The following UBTF variants were observed in gnomAD, a reference collection of about 807,000 sequenced individuals.
The protein encoded by UBTF is nucleolar transcription factor 1.
In UBTF, 8 loss-of-function variants were observed where a neutral mutation model predicts 112.3. The ratio of observed to expected loss-of-function variants is 0.07; its 90% CI spans 0.04 to 0.13. The LOEUF (loss-of-function observed/expected upper bound fraction) is 0.13, where lower values mean the gene tolerates loss of function less well. Ranked by LOEUF, UBTF falls within the 10% of genes least tolerant of loss-of-function variation. The pLI is 1.00. For missense variants in UBTF, 457 were observed against 982.1 expected (o/e 0.47, Z 7.15); for synonymous variants, 417 against 373.1 (o/e 1.12, Z -1.36).
In UBTF at chr17:44,211,197, A is replaced by G. The variant is rs761946857; in HGVS notation, c.1090-45T>C. The G allele has an allele frequency of 6.2e-7, 1 of 1,612,514 alleles. No homozygotes were observed. The highest frequency in any genetic ancestry group is 1.7e-5 in the Admixed American group (1 of 60,022). On this transcript the variant is annotated intron_variant, in intron 11 of 20. Coordinates refer to ENST00000436088, the MANE Select transcript of UBTF (RefSeq NM_014233.4). This position sits in a 1 kb window ranked among gnomAD's most constrained non-coding sequence, Gnocchi z 4.9. Reference sequence around the variant, plus strand: ...ACGGGGCTGCATGCCTGGCACCCAGACTGCATGGTGCCCTATCTCCAGGGG... The same window carrying G: ...ACGGGGCTGCATGCCTGGCACCCAGGCTGCATGGTGCCCTATCTCCAGGGG...
In UBTF at chr17:44,207,181, T is replaced by C; in HGVS notation, c.*61A>G. The C allele has an allele frequency of 1.9e-6, 3 of 1,582,222 alleles. No individual in the cohort carries two copies. The highest frequency in any genetic ancestry group is 2.6e-6 in the Non-Finnish European group (3 of 1,160,278). On this transcript the variant is annotated 3_prime_UTR_variant, in exon 21 of 21. Transcript: ENST00000436088. ...ACAGAACATGGGGGAGAAACAAAGG[T>C]GGTCAGTTGGGGAGGGGAGCTCCTG...
upstream of UBTF, chr17:44,220,658 G>C (rs905761022): frequency 6.6e-6 from 1 of 152,226 alleles, no homozygotes; most frequent in South Asian, 2.1e-4. Flanking sequence ...CTCCAGGCCT[G>C]CCCGGGCGCA....
At chr17:44,216,319 A>T (rs927448821) in intron 3 of UBTF, 1 of 640,186 alleles carries the variant, frequency 1.6e-6, no homozygotes, top group African/African-American at 1.8e-5. Context: ...TGTTTGGCTC[A>T]AGACCACTCA....
At chr17:44,214,082 A>G (rs2046721775) in intron 5 of UBTF, among the ~76,000 whole-genome samples, 1 of 151,480 alleles carries the variant, frequency 6.6e-6, no homozygotes, top group Non-Finnish European at 1.5e-5. Flanking sequence ...TCTCTTCCTC[A>G]TCGACCTTCT....
At chr17:44,218,600 A>AAAAAAAAAAAAAAAAAAAG (rs1194736637) in intron 1 of UBTF, 1 of 208,274 alleles carries the variant, frequency 4.8e-6, no homozygotes, top group African/African-American at 2.5e-5. Flanking sequence ...CAGCCAAAAA[A>AAAAAAAAAAAAAAAAAAAG]AAAAAAAAAG....
intron 2 of UBTF, 142 bp downstream of exon 2, chr17:44,218,030 C>A (rs2046933831): frequency 2.3e-6 from 2 of 887,548 alleles, no homozygotes; most frequent in African/African-American, 3.4e-5. Flanking sequence ...GTGGGAGATG[C>A]TTGATTCATA....
At position 44,211,008 on chromosome 17, in the gene UBTF, C is replaced by A. The variant is rs765628144; in HGVS notation, c.1203+31G>T. 9.4e-6 allele frequency: 15 copies of A among 1,603,036 alleles called. No individual in the cohort carries two copies. In the South Asian group the frequency reaches 1.3e-4, roughly 14 times the overall value. On this transcript the variant is annotated intron_variant, in intron 12 of 20. Coordinates refer to ENST00000436088, the MANE Select transcript of UBTF (RefSeq NM_014233.4). The surrounding 1 kb of genome is among the most constrained non-coding windows in gnomAD (Gnocchi z 4.9). ...TGCCAGGGAGCCCAGTCTTGCCCAC[C>A]CCCGCCTGCGCGGCCGCACCCTCTG...
Position 44,211,962 on chromosome 17 carries a change from G to C in UBTF, c.816C>G (p.Ile272Met), listed in dbSNP as rs567808617. 1 of 1,613,894 alleles carries C rather than the reference G, an allele frequency of 6.2e-7. No individual in the cohort carries two copies. The highest frequency in any genetic ancestry group is 8.5e-7 in the Non-Finnish European group (1 of 1,179,980). Residue 272 changes from isoleucine (I) to methionine (M), a missense_variant, in exon 9 of 21, where the codon ATC (isoleucine) becomes ATG (methionine). Around this residue, in one of 7 missense-constraint regions of UBTF, gnomAD observed 87 missense variants for 286.6 expected, o/e 0.30. Transcript: ENST00000436088. This position sits in a 1 kb window ranked among gnomAD's most constrained non-coding sequence, Gnocchi z 4.9. ...DYIQKHPELNISEEGITKSTL... is the reference protein window; with the variant it reads ...DYIQKHPELNMSEEGITKSTL... Reference sequence around the variant, plus strand: ...TGGACTTGGTGATACCCTCCTCACTGATGTTCAGCTCTGGGTGCTTCTGGA... The same window carrying C: ...TGGACTTGGTGATACCCTCCTCACTCATGTTCAGCTCTGGGTGCTTCTGGA...
Position 44,208,092 on chromosome 17 carries a change from A to ATT in UBTF, c.1906-183_1906-182dup, listed in dbSNP as rs57107684. Among the ~76,000 whole-genome samples, 100 of 118,000 alleles carry ATT rather than the reference A, an allele frequency of 8.5e-4. 2 individuals are homozygous for ATT. Among genetic ancestry groups the ATT allele is most frequent in the African/African-American group, 1.0e-3 (32 of 30,508 alleles). The allele number at this position is 118,000 out of a possible 152,430, so 77.4% of individuals were successfully genotyped here. A position where few individuals can be genotyped will look rare whatever the true frequency, so the allele number is the denominator to read the frequency against. ...CCTGGGATCTGAGAACACAGCTCTA[A>ATT]TTTTTTTTTTTTTTTTTTTTTTTTT... is the stretch of plus-strand genomic sequence containing the variant. On this transcript the variant is annotated intron_variant, in intron 17 of 20. Transcript: ENST00000436088.
At chr17:44,214,225 G>C (rs931127344) in intron 5 of UBTF, among the ~76,000 whole-genome samples, 3 of 152,218 alleles carry the variant, frequency 2.0e-5, no homozygotes, top group African/African-American at 7.2e-5. Flanking sequence ...GGCATAGAAA[G>C]GCAGTGCTCC....
intron 6 of UBTF, 71 bp downstream of exon 6, chr17:44,213,147 C>A: frequency 1.3e-6 from 2 of 1,572,938 alleles, no homozygotes; most frequent in African/African-American, 2.7e-5. Context: ...AAACTCAAGG[C>A]TCTGGCCAGG....
chr17:44,210,440 C>A lies in UBTF; in HGVS notation c.1393G>T (p.Ala465Ser). ...KYKAREAALK[A>S]QSERKPGGER... is the part of the protein sequence containing the mutation. ...CCGCCGGGCTTCCTCTCCGACTGAG[C>A]CTTGAGCGCCGCCTCTCGGGCCTTG... The change falls in exon 14 of 21, where the codon GCT becomes TCT. Residue 465 changes from alanine (A) to serine (S), a missense_variant. Ala to Ser is a moderately conservative substitution (Grantham distance 99). This residue lies in a region of UBTF where 108 missense variants were observed against 137.4 expected (regional missense o/e 0.79). Transcript: ENST00000436088. 6.2e-7 allele frequency: 1 copy of A among 1,613,228 alleles called. No individual in the cohort carries two copies. The highest frequency in any genetic ancestry group is 2.2e-5 in the East Asian group (1 of 44,884).
intron 3 of UBTF, chr17:44,216,210 C>T (rs1433212378): frequency 3.3e-6 from 2 of 606,080 alleles, no homozygotes; most frequent in Admixed American, 3.0e-5. Context: ...CAAAGGCCAG[C>T]AACAAGGGGA....
chr17:44,211,085 T>C lies in UBTF; in HGVS notation c.1157A>G (p.Gln386Arg), dbSNP rs750276844. 7 of 1,612,950 alleles carry C rather than the reference T, an allele frequency of 4.3e-6. No homozygotes were observed. The Admixed American group carries it at 1.2e-4, about 27-fold the overall frequency. The change falls in exon 12 of 21, where the codon CAG becomes CGG. Residue 386 changes from glutamine (Q) to arginine (R), a missense_variant. Transcript: ENST00000436088. This position sits in a 1 kb window ranked among gnomAD's most constrained non-coding sequence, Gnocchi z 4.9. ...CTTCTTGGAGGCGGGGCTGGTGGCC[T>C]GCTTCTTGTTGATGTTCAGCATCTT... ...EEKMLNINKK[Q>R]ATSPASKKPA...
chr17:44,207,692 T>C lies in UBTF; in HGVS notation c.2025+7A>G. 1 of 1,614,132 alleles carries C rather than the reference T, an allele frequency of 6.2e-7. No individual in the cohort carries two copies. The highest frequency in any genetic ancestry group is 8.5e-7 in the Non-Finnish European group (1 of 1,180,016). On this transcript the variant is annotated splice_region_variant and intron_variant, in intron 19 of 20. Transcript: ENST00000436088. ...CCACGCCCCTGCATCTGGGAGGGGC[T>C]CCTTACCGACTTGGACTGCAGAGTA...
Position 44,218,215 on chromosome 17 carries a change from G to C in UBTF, c.15C>G (p.Ala5=), listed in dbSNP as rs373082224. ...CCATTTCCAGGTCTGTGGGGCAGTCGGCTTCTCCGTTCATCCTCCAGCTGT... is the reference window on the plus strand; with the variant it reads ...CCATTTCCAGGTCTGTGGGGCAGTCCGCTTCTCCGTTCATCCTCCAGCTGT... MNGE[A]DCPTDLEMAA... The change falls in exon 2 of 21, where the codon GCC becomes GCG. Residue 5 remains alanine, a synonymous_variant. Transcript: ENST00000436088. The C allele has an allele frequency of 1.6e-5, 26 of 1,611,992 alleles. No homozygotes were observed. Among genetic ancestry groups the C allele is most frequent in the Non-Finnish European group, 2.0e-5 (24 of 1,179,592 alleles).
At chr17:44,220,157 G>T (rs1364072538), upstream of UBTF, among the ~76,000 whole-genome samples, 2 of 151,648 alleles carry the variant, frequency 1.3e-5, no homozygotes, top group Non-Finnish European at 3.0e-5. Context: ...TAGGCGGGCG[G>T]GCGGGCGCCG....
At chr17:44,213,538 G>A (rs2046685989) in intron 5 of UBTF, among the ~76,000 whole-genome samples, 1 of 152,212 alleles carries the variant, frequency 6.6e-6, no homozygotes, top group Admixed American at 6.5e-5. Context: ...CTGAGCAAGA[G>A]TCCCAGAAGG....
In UBTF at chr17:44,206,999, A is replaced by G. The variant is rs1030164735; in HGVS notation, c.*243T>C. 9.9e-5 allele frequency: 57 copies of G among 573,662 alleles called. No individual in the cohort carries two copies. Among genetic ancestry groups the G allele is most frequent in the Non-Finnish European group, 1.7e-4 (55 of 326,918 alleles). The allele number at this position is 573,662 out of a possible 1,614,324, so 35.5% of individuals were successfully genotyped here. A position where few individuals can be genotyped will look rare whatever the true frequency, so the allele number is the denominator to read the frequency against. Reference sequence around the variant, plus strand: ...GGCCAGGCTGGTCCGGTGCTGGCTTAGTCTGATAGTTGCTGTCCCTGGAGG... The same window carrying G: ...GGCCAGGCTGGTCCGGTGCTGGCTTGGTCTGATAGTTGCTGTCCCTGGAGG... On this transcript the variant is annotated 3_prime_UTR_variant, in exon 21 of 21. Transcript: ENST00000436088.
Sources: allele counts gnomAD v4.1 joint callset (sites outside exome capture counted in the v4.1 genomes callset), GRCh38; gene constraint gnomAD v4.1.1; regional missense constraint gnomAD v4.1.1; non-coding constraint Gnocchi (gnomAD v3.1); transcripts MANE v1.5; gene names NCBI Gene and HGNC (gene_info 2026-07-23, HGNC 2026-07-21).